SLC6A16: variants seen among roughly 807,000 people sequenced by gnomAD.
The protein encoded by SLC6A16 is orphan sodium- and chloride-dependent neurotransmitter transporter NTT5.
SLC6A16 carries 54 observed loss-of-function variants against 65.4 expected under a neutral mutation model. The ratio of observed to expected loss-of-function variants is 0.83; its 90% CI spans 0.66 to 1.04. The LOEUF (loss-of-function observed/expected upper bound fraction) is 1.04, where lower values mean the gene tolerates loss of function less well. Among genes scored for constraint, SLC6A16 ranks in the 50% least tolerant of loss-of-function variants. The pLI, the probability that SLC6A16 is intolerant of heterozygous loss-of-function variation, is 0.00. For missense variants in SLC6A16, 816 were observed against 914.0 expected (o/e 0.89, Z 1.38); for synonymous variants, 330 against 346.5 (o/e 0.95, Z 0.53).
chr19:49,338,974 G>T, the SLC6A16 span: 1 of 1,498,950 alleles, frequency 6.7e-7, no homozygotes, highest in South Asian at 1.1e-5. This position sits in a 1 kb window ranked among gnomAD's most constrained non-coding sequence, Gnocchi z 5.0. Flanking sequence ...GTCGAATGGG[G>T]CGGGGCCTGC....
intron 1 of SLC6A16, among the ~76,000 whole-genome samples, chr19:49,320,449 A>G (rs1415572930): frequency 1.3e-5 from 2 of 151,682 alleles, no homozygotes; most frequent in Non-Finnish European, 2.9e-5. Flanking sequence ...CAGATCTTGA[A>G]TCAATAACCT....
intron 4 of SLC6A16, 50 bp downstream of exon 4, chr19:49,309,990 C>T: frequency 1.3e-6 from 2 of 1,590,884 alleles, no homozygotes; most frequent in Non-Finnish European, 1.7e-6. Context: ...TTCCCTTCTA[C>T]TTCTACTTCT....
chr19:49,311,255 C>A lies in SLC6A16; in HGVS notation c.93G>T (p.Thr31=). The A allele has an allele frequency of 6.2e-7, 1 of 1,614,022 alleles. No homozygotes were observed. The highest frequency in any genetic ancestry group is 8.5e-7 in the Non-Finnish European group (1 of 1,179,970). ...GGGTCAATGAACCCTTGTCTTCCCA[C>A]GTTTGACTTCCTGGGACACTGTCAG... ...VISDSVPGSQ[T]WEDKGSLTRS... Residue 31 remains threonine (T), a synonymous_variant, in exon 2 of 12, where the codon ACG becomes ACT. Coordinates refer to ENST00000335875, the MANE Select transcript of SLC6A16 (RefSeq NM_014037.3).
intron 7 of SLC6A16, among the ~76,000 whole-genome samples, chr19:49,301,336 T>C (rs1264452917): frequency 6.9e-6 from 1 of 145,720 alleles, no homozygotes; most frequent in Non-Finnish European, 1.5e-5. Context: ...TCAGTTTCAC[T>C]CCATTCACAT....
rs148484523 is a variant in SLC6A16 at position 49,301,175 on chromosome 19, T to C, written c.1230-6622A>G. On this transcript the variant is annotated intron_variant, in intron 7 of 11. Coordinates refer to ENST00000335875, the MANE Select transcript of SLC6A16 (RefSeq NM_014037.3). ...CATACAGAAAGGGTGGAAAGAACAA[T>C]TCCATTTTGCCCACATCACCCCATC... Among the ~76,000 whole-genome samples the C allele has an allele frequency of 2.1e-3, 318 of 152,152 alleles. 1 individual carries two copies. The highest frequency in any genetic ancestry group is 3.9e-3 in the Non-Finnish European group (265 of 67,994).
chr19:49,306,431 T>C (rs1970387649), intron 7 of SLC6A16, among the ~76,000 whole-genome samples: 1 of 151,734 alleles, frequency 6.6e-6, no homozygotes. Flanking sequence ...AACAAATAAC[T>C]AAACATATTG....
rs1970038115 is a variant in SLC6A16, at chr19:49,289,727, A to G, written c.*396T>C. On this transcript the variant is annotated 3_prime_UTR_variant, in exon 12 of 12. Coordinates refer to ENST00000335875, the MANE Select transcript of SLC6A16 (RefSeq NM_014037.3). Reference sequence around the variant, plus strand: ...GTGACAGGAAAACTGAACATCTGAGACATCTATAGGAAAAAAAGATCTGCT... The same window carrying G: ...GTGACAGGAAAACTGAACATCTGAGGCATCTATAGGAAAAAAAGATCTGCT... The G allele has an allele frequency of 1.6e-5, 3 of 186,098 alleles. No homozygotes were observed. The South Asian group carries it at 3.8e-4, about 24-fold the overall frequency. The allele number at this position is 186,098 out of a possible 1,614,324, so 11.5% of individuals were successfully genotyped here. A position where few individuals can be genotyped will look rare whatever the true frequency, so the allele number is the denominator to read the frequency against.
the SLC6A16 span, chr19:49,335,670 C>T: frequency 6.2e-7 from 1 of 1,611,110 alleles, no homozygotes; most frequent in Non-Finnish European, 8.5e-7. This position sits in a 1 kb window ranked among gnomAD's most constrained non-coding sequence, Gnocchi z 4.6. Context: ...CAGCCCTCAT[C>T]TTCCCCTGTG....
At chr19:49,310,276 C>T in intron 3 of SLC6A16, 77 bp downstream of exon 3, 2 of 1,603,128 alleles carry the variant, frequency 1.2e-6, no homozygotes, top group South Asian at 2.2e-5. Context: ...GAGGTATTCA[C>T]AGGGCGCATT....
rs180870645 is a variant in SLC6A16, at chr19:49,306,286, A to T, written c.1229+2590T>A. ...GCACTCCAGCCTGGGCAACAGAGCG[A>T]GAGTCTGTCTCAAAAAAAAAAAGAA... On this transcript the variant is annotated intron_variant, in intron 7 of 11. Transcript: ENST00000335875. 5.5e-3 allele frequency among the ~76,000 whole-genome samples: 840 copies of T among 151,832 alleles called. 8 individuals are homozygous for T. The highest frequency in any genetic ancestry group is 0.019 in the African/African-American group (780 of 41,360).
At chr19:49,307,710 A>G (rs1600632298) in intron 7 of SLC6A16, among the ~76,000 whole-genome samples, 1 of 103,396 alleles carries the variant, frequency 9.7e-6, no homozygotes, top group Non-Finnish European at 1.9e-5. Flanking sequence ...AGAGAGAGGA[A>G]GAGGAGGAGG....
chr19:49,290,627 T>A lies in SLC6A16; in HGVS notation c.1919A>T (p.Tyr640Phe). ...MVHLCMKPIT[Y>F]MSWDSSTSKE... The stretch of plus-strand genomic sequence containing the variant: ...CACGGTGCTTGAGTCCCAGGACATG[T>A]AGGTGATCGGCTTCATACAAAGATG... Residue 640 changes from tyrosine (Y) to phenylalanine (F), a missense_variant, in exon 11 of 12, where the codon TAC becomes TTC. Transcript: ENST00000335875. 6.2e-7 allele frequency: 1 copy of A among 1,614,098 alleles called. No homozygotes were observed. The highest frequency in any genetic ancestry group is 8.5e-7 in the Non-Finnish European group (1 of 1,180,016).
At chr19:49,300,470 G>T (rs1331421991) in intron 7 of SLC6A16, among the ~76,000 whole-genome samples, 1 of 152,060 alleles carries the variant, frequency 6.6e-6, no homozygotes, top group African/African-American at 2.4e-5. Context: ...GATAAATTAA[G>T]AATGCATATT....
intron 7 of SLC6A16, among the ~76,000 whole-genome samples, chr19:49,296,797 T>C (rs1320838589): frequency 6.6e-6 from 1 of 152,246 alleles, no homozygotes; most frequent in East Asian, 1.9e-4. Context: ...GAGACCAGCC[T>C]GGCCAACATG....
At chr19:49,335,144 C>T in the SLC6A16 span, 9 of 197,916 alleles carry the variant, frequency 4.5e-5, no homozygotes, top group African/African-American at 2.1e-4. This position sits in a 1 kb window ranked among gnomAD's most constrained non-coding sequence, Gnocchi z 4.6. Flanking sequence ...AGGTCAGCTG[C>T]TGTCCAGGGT....
At chr19:49,311,791 G>A (rs1385836004) in intron 1 of SLC6A16, among the ~76,000 whole-genome samples, 2 of 150,648 alleles carry the variant, frequency 1.3e-5, no homozygotes, top group Non-Finnish European at 3.0e-5. Context: ...GTAGGTTGCA[G>A]TGAGCCGAGA....
At position 49,309,351 on chromosome 19, in the gene SLC6A16, G is replaced by A. The variant is rs1568533794; in HGVS notation, c.937C>T (p.Leu313=). 3 of 1,614,168 alleles carry A rather than the reference G, an allele frequency of 1.9e-6. No homozygotes were observed. The highest frequency in any genetic ancestry group is 2.5e-6 in the Non-Finnish European group (3 of 1,180,010). ...FIIVGFFIRT[L]LLEGAKFGLQ... ...CCAAATTTTGCCCCTTCCAGGAGTA[G>A]AGTCCGGATGAAGAAACCGACAATG... The change falls in exon 6 of 12, where the codon CTA becomes TTA. Residue 313 remains leucine, a synonymous_variant. Transcript: ENST00000335875.
chr19:49,338,691 C>G, the SLC6A16 span: 3 of 1,601,900 alleles, frequency 1.9e-6, no homozygotes, highest in South Asian at 1.1e-5. This position sits in a 1 kb window ranked among gnomAD's most constrained non-coding sequence, Gnocchi z 5.0. Context: ...ACTCGTATCC[C>G]TCTCCCAGCT....
chr19:49,334,948 CAGG>C, the SLC6A16 span, among the ~76,000 whole-genome samples: 1 of 151,816 alleles, frequency 6.6e-6, no homozygotes, highest in African/African-American at 2.4e-5. Context: ...CCCCAGGAGG[CAGG>C]AGGACAGAGA....
Sources: gnomAD v4.1 joint callset for allele counts (sites outside exome capture counted in the v4.1 genomes callset) on GRCh38, gnomAD v4.1.1 for gene constraint, Gnocchi (gnomAD v3.1) non-coding constraint, MANE v1.5 for transcripts, NCBI Gene and HGNC (gene_info 2026-07-23, HGNC 2026-07-21) for gene names.